The following YY1 variants were observed in gnomAD, a reference collection of about 807,000 sequenced individuals.
YY1 encodes the protein transcriptional repressor protein YY1.
Under a neutral mutation model 35.6 loss-of-function variants are expected in YY1, and 2 were observed. The ratio of observed to expected loss-of-function variants is 0.06; its 90% CI spans 0.02 to 0.18. The LOEUF is 0.18. Ranked by LOEUF, YY1 falls within the 10% of genes least tolerant of loss-of-function variation. The pLI is 1.00. For synonymous variants in YY1, 268 were observed against 238.9 expected, an observed-to-expected ratio of 1.12 and a Z score of -1.12; for missense variants, 322 against 573.4, an observed-to-expected ratio of 0.56 and a Z score of 4.48.
chr14:100,271,523 A>G (rs1027137468), intron 2 of YY1, among the ~76,000 whole-genome samples: 2 of 152,216 alleles, frequency 1.3e-5, no homozygotes, highest in African/African-American at 4.8e-5. Context: ...CCTTTATTCA[A>G]AATGCTTAGG....
chr14:100,239,784 C>T lies in YY1; in HGVS notation c.540C>T (p.Ser180=). The T allele has an allele frequency of 6.4e-7, 1 of 1,555,024 alleles. No individual in the cohort carries two copies. Among genetic ancestry groups the T allele is most frequent in the Non-Finnish European group, 8.7e-7 (1 of 1,153,090 alleles). Residue 180 remains serine (S), a synonymous_variant, in exon 1 of 5, where the codon AGC becomes AGT. Transcript: ENST00000262238. ...GRVKKGGGKK[S]GKKSYLSGGA... is the part of the protein sequence containing the mutation. The stretch of plus-strand genomic sequence containing the variant: ...TCAAGAAGGGCGGCGGCAAGAAGAG[C>T]GGCAAGAAGAGTTACCTCAGCGGCG...
At chr14:100,275,365 C>T (rs148443592) in intron 3 of YY1, among the ~76,000 whole-genome samples, 2 of 152,266 alleles carry the variant, frequency 1.3e-5, no homozygotes, top group East Asian at 1.9e-4. Context: ...AATGAACAAT[C>T]GGAGCAGGCT....
In YY1 at chr14:100,239,482, C is replaced by A; in HGVS notation, c.238C>A (p.His80Asn). The change falls in exon 1 of 5, where the codon CAC becomes AAC. Residue 80 changes from histidine (H) to asparagine (N), a missense_variant. Transcript: ENST00000262238. The part of the protein sequence containing the change: ...HHHHHHHHHH[H>N]PPMIALQPLV... ...CCACCACCACCATCACCACCACCAC[C>A]ACCCGCCCATGATCGCTCTGCAGCC... 1 of 1,606,558 alleles carries A rather than the reference C, an allele frequency of 6.2e-7. No individual in the cohort carries two copies.
At position 100,277,098 on chromosome 14, in the gene YY1, A is replaced by G. The variant is rs1891332371; in HGVS notation, c.1063-320A>G. On this transcript the variant is annotated intron_variant, in intron 4 of 4. Coordinates refer to ENST00000262238, the MANE Select transcript of YY1 (RefSeq NM_003403.5). This position sits in a 1 kb window ranked among gnomAD's most constrained non-coding sequence, Gnocchi z 5.6. ...GTAAATCTAACGTGGTTCTTTTTTG[A>G]CAACTGACACCAGAACCCTTAATCA... The G allele has an allele frequency of 4.3e-6, 2 of 463,020 alleles. No homozygotes were observed. The highest frequency in any genetic ancestry group is 7.9e-6 in the Non-Finnish European group (2 of 254,546). The allele number at this position is 463,020 out of a possible 1,614,324, so 28.7% of individuals were successfully genotyped here.
At chr14:100,258,482 A>T (rs757832379) in intron 1 of YY1, among the ~76,000 whole-genome samples, 6 of 152,222 alleles carry the variant, frequency 3.9e-5, no homozygotes, top group Non-Finnish European at 8.8e-5. Context: ...AACAAGAGGC[A>T]GCAGAGCTTA....
intron 2 of YY1, among the ~76,000 whole-genome samples, chr14:100,265,748 C>G (rs1248166836): frequency 6.8e-6 from 1 of 147,752 alleles, no homozygotes. Context: ...CACCCGGGTT[C>G]AAGTGATCTC....
Position 100,276,808 on chromosome 14 carries a change from G to A in YY1, c.1062+160G>A. 1 of 1,021,712 alleles carries A rather than the reference G, an allele frequency of 9.8e-7. No individual in the cohort carries two copies. The highest frequency in any genetic ancestry group is 1.5e-6 in the Non-Finnish European group (1 of 687,720). The allele number at this position is 1,021,712 out of a possible 1,614,324, so 63.3% of individuals were successfully genotyped here. On this transcript the variant is annotated intron_variant, in intron 4 of 4. Transcript: ENST00000262238. The surrounding 1 kb of genome is among the most constrained non-coding windows in gnomAD (Gnocchi z 4.1). ...TTCTCCTGGGGAGTCGCTTAGAAGG[G>A]TTGCCGGGGCTCTGGACATCCTTGT...
chr14:100,245,178 C>T (rs535394194), intron 1 of YY1, among the ~76,000 whole-genome samples: 6 of 151,934 alleles, frequency 3.9e-5, no homozygotes, highest in East Asian at 2.0e-4. Flanking sequence ...CCTCGTGATC[C>T]GCCTGCCTCG....
chr14:100,263,151 TCCGCCTGCCTTGGCCTC>T (rs1189718194), intron 2 of YY1, among the ~76,000 whole-genome samples: 1 of 152,214 alleles, frequency 6.6e-6, no homozygotes, highest in Admixed American at 6.5e-5. Context: ...CCTCAAGTGA[TCCGCCTGCCTTGGCCTC>T]CCAAAGTGCT....
rs1042897 is a variant in YY1 at position 100,282,286 on chromosome 14, C to A, written c.*4686C>A. 0.82 allele frequency: 123,348 copies of A among 149,608 alleles called. 52,086 individuals carry two copies. Among genetic ancestry groups the A allele is most frequent in the East Asian group, 1 (5,159 of 5,168 alleles). 9.3% of individuals were successfully genotyped at this position (149,608 alleles called of 1,614,324 possible). The stretch of plus-strand genomic sequence containing the variant: ...CAAATTGACCGCTTTTCATGAGACA[C>A]CCAGATGCTGTAAAAAAAAAAAACA... On this transcript the variant is annotated 3_prime_UTR_variant, in exon 5 of 5. Coordinates refer to ENST00000262238, the MANE Select transcript of YY1 (RefSeq NM_003403.5).
chr14:100,260,105 G>C (rs1891059213), intron 1 of YY1, among the ~76,000 whole-genome samples: 1 of 151,408 alleles, frequency 6.6e-6, no homozygotes, highest in African/African-American at 2.4e-5. Context: ...TTTGTTTTGA[G>C]ACGGGGTCTT....
chr14:100,239,154 C>T lies in YY1; in HGVS notation c.-91C>T. The T allele has an allele frequency of 7.8e-7, 1 of 1,277,224 alleles. No individual in the cohort carries two copies. Among genetic ancestry groups the T allele is most frequent in the Middle Eastern group, 3.0e-4 (1 of 3,372 alleles). The allele number at this position is 1,277,224 out of a possible 1,614,324, so 79.1% of individuals were successfully genotyped here. ...CCGCTCGCCGCCTTCCTCCCTCTGC[C>T]TTCCTTCCCCACGGCCGGCCGCCTC... On this transcript the variant is annotated 5_prime_UTR_variant, in exon 1 of 5. Transcript: ENST00000262238.
chr14:100,262,701 C>T (rs1338056368), intron 2 of YY1, among the ~76,000 whole-genome samples: 1 of 152,158 alleles, frequency 6.6e-6, no homozygotes. Flanking sequence ...ACTGCAGCCT[C>T]TGCCTCCCGG....
intron 1 of YY1, among the ~76,000 whole-genome samples, chr14:100,249,748 G>GTTTTTTTTTTTTTTTTTTTTTTT (rs57119106): frequency 7.1e-6 from 1 of 141,030 alleles, no homozygotes. Flanking sequence ...GCTACTTACC[G>GTTTTTTTTTTTTTTTTTTTTTTT]TTTTTTTTTT....
chr14:100,277,754 ATT>A lies in YY1; in HGVS notation c.*155_*156del. The A allele has an allele frequency of 1.2e-6, 1 of 849,346 alleles. No homozygotes were observed. The highest frequency in any genetic ancestry group is 1.8e-6 in the Non-Finnish European group (1 of 555,236). The allele number at this position is 849,346 out of a possible 1,614,324, so 52.6% of individuals were successfully genotyped here. A position where few individuals can be genotyped will look rare whatever the true frequency, so the allele number is the denominator to read the frequency against. On this transcript the variant is annotated 3_prime_UTR_variant, in exon 5 of 5. Transcript: ENST00000262238. The surrounding 1 kb of genome is among the most constrained non-coding windows in gnomAD (Gnocchi z 5.6). ...GACATGTTTTGATAAAGTAGTAAAA[ATT>A]AAAAAAAAAAAACTTTACTAAGATG...
chr14:100,279,571 T>C lies in YY1; in HGVS notation c.*1971T>C, dbSNP rs1046369656. 3.3e-5 allele frequency: 5 copies of C among 152,282 alleles called. No individual in the cohort carries two copies. Among genetic ancestry groups the C allele is most frequent in the African/African-American group, 1.2e-4 (5 of 41,474 alleles). The allele number at this position is 152,282 out of a possible 1,614,324, so 9.4% of individuals were successfully genotyped here. ...TCTGGGTAAGCCAGGCTTTGCTGTATCTGGCAGTCAGGAGAGAGGTCAGCC... is the reference window on the plus strand; with the variant it reads ...TCTGGGTAAGCCAGGCTTTGCTGTACCTGGCAGTCAGGAGAGAGGTCAGCC... On this transcript the variant is annotated 3_prime_UTR_variant, in exon 5 of 5. Transcript: ENST00000262238.
At position 100,276,413 on chromosome 14, in the gene YY1, A is replaced by T; in HGVS notation, c.904-77A>T. On this transcript the variant is annotated intron_variant, in intron 3 of 4. Coordinates refer to ENST00000262238, the MANE Select transcript of YY1 (RefSeq NM_003403.5). The surrounding 1 kb of genome is among the most constrained non-coding windows in gnomAD (Gnocchi z 4.1). ...GGAGGTGGTTTTGTTTTAATATGTC[A>T]GTAAAGGCTGTTAAATGGTTGAATC... is the stretch of plus-strand genomic sequence containing the variant. 1 of 1,606,418 alleles carries T rather than the reference A, an allele frequency of 6.2e-7. No homozygotes were observed. The highest frequency in any genetic ancestry group is 8.5e-7 in the Non-Finnish European group (1 of 1,173,836).
intron 1 of YY1, 70 bp downstream of exon 1, chr14:100,239,993 T>C (rs1440456361): frequency 3.5e-6 from 5 of 1,411,570 alleles, no homozygotes; most frequent in African/African-American, 3.1e-5. Flanking sequence ...TTTATGTGTG[T>C]GATGGGCGCC....
chr14:100,248,613 T>A (rs115501886), intron 1 of YY1, among the ~76,000 whole-genome samples: 299 of 151,694 alleles, frequency 2.0e-3, no homozygotes, highest in African/African-American at 7.0e-3. Flanking sequence ...AGCGGTTCTC[T>A]GGCCTTAGCC....
Sources: allele counts gnomAD v4.1 joint callset (sites outside exome capture counted in the v4.1 genomes callset), GRCh38; gene constraint gnomAD v4.1.1; non-coding constraint Gnocchi (gnomAD v3.1); transcripts MANE v1.5; gene names NCBI Gene and HGNC (gene_info 2026-07-23, HGNC 2026-07-21).